The following PELI1 variants were observed in gnomAD, a reference collection of about 807,000 sequenced individuals.
PELI1 encodes pellino E3 ubiquitin protein ligase 1.
A neutral mutation model predicts 41.3 loss-of-function variants in PELI1; 15 were observed. The ratio of observed to expected loss-of-function variants is 0.36; its 90% CI spans 0.24 to 0.56. The LOEUF (loss-of-function observed/expected upper bound fraction) is 0.56, where lower values mean the gene tolerates loss of function less well. PELI1 is among the 20% of genes least tolerant of loss of function. PELI1 has a pLI of 0.82. For missense variants in PELI1, 403 were observed against 525.5 expected (o/e 0.77, Z 2.28); for synonymous variants, 178 against 180.1 (o/e 0.99, Z 0.09).
At chr2:64,123,840 T>C (rs1681301768) in intron 1 of PELI1, among the ~76,000 whole-genome samples, 1 of 152,188 alleles carries the variant, frequency 6.6e-6, no homozygotes, top group Non-Finnish European at 1.5e-5. Flanking sequence ...AGACTGTGCA[T>C]TAATGTTCAC....
At position 64,122,035 on chromosome 2, in the gene PELI1, G is replaced by A. The variant is rs1486111896; in HGVS notation, c.-69-13656C>T. Among the ~76,000 whole-genome samples, 3 of 151,614 alleles carry A rather than the reference G, an allele frequency of 2.0e-5. No homozygotes were observed. In the East Asian group the frequency reaches 5.8e-4, roughly 29 times the overall value. On this transcript the variant is annotated intron_variant, in intron 1 of 6. Transcript: ENST00000358912. ...TTTTCAAAACTACATTTTTTAAAAAGACAACTTTCTTTTTGCTTCTCATAT... is the reference window on the plus strand; with the variant it reads ...TTTTCAAAACTACATTTTTTAAAAAAACAACTTTCTTTTTGCTTCTCATAT...
intron 1 of PELI1, among the ~76,000 whole-genome samples, chr2:64,110,247 G>GAA (rs796716135): frequency 0.012 from 1,172 of 100,718 alleles, 45 homozygotes; most frequent in African/African-American, 0.034. Context: ...TCCGTCTCAA[G>GAA]AAAAAAAAAA....
intron 2 of PELI1, among the ~76,000 whole-genome samples, chr2:64,105,593 C>T (rs1680593125): frequency 6.6e-6 from 1 of 152,110 alleles, no homozygotes; most frequent in Admixed American, 6.5e-5. Flanking sequence ...TCTACCCTTG[C>T]AAAAATTCTA....
intron 1 of PELI1, among the ~76,000 whole-genome samples, chr2:64,127,234 C>G (rs1053287329): frequency 8.5e-5 from 13 of 152,096 alleles, no homozygotes; most frequent in Non-Finnish European, 1.5e-5. Context: ...TGTTAAATTC[C>G]AAGCCATTAA....
intron 1 of PELI1, among the ~76,000 whole-genome samples, chr2:64,134,614 T>C (rs1447913459): frequency 2.6e-5 from 4 of 152,184 alleles, no homozygotes; most frequent in Non-Finnish European, 4.4e-5. Flanking sequence ...TTTGGATGTT[T>C]TGATCCTTTG....
intron 1 of PELI1, among the ~76,000 whole-genome samples, chr2:64,119,077 TA>T (rs145453842): frequency 0.021 from 3,166 of 152,082 alleles, 52 homozygotes; most frequent in Middle Eastern, 0.082. Flanking sequence ...CAACAGGCAA[TA>T]TACACCTGTA....
rs551540897 is a variant in PELI1 at position 64,141,314 on chromosome 2, C to G, written c.-70+2767G>C. Reference sequence around the variant, plus strand: ...AATAACATGTTTCCCGCCCCCACCCCAAAGGAGCTCCTAAAGCCACCTCAG... The same window carrying G: ...AATAACATGTTTCCCGCCCCCACCCGAAAGGAGCTCCTAAAGCCACCTCAG... On this transcript the variant is annotated intron_variant, in intron 1 of 6. Coordinates refer to ENST00000358912, the MANE Select transcript of PELI1 (RefSeq NM_020651.4). Among the ~76,000 whole-genome samples the G allele has an allele frequency of 1.6e-3, 243 of 147,788 alleles. 2 individuals carry two copies. Among genetic ancestry groups the G allele is most frequent in the Non-Finnish European group, 2.9e-3 (194 of 67,116 alleles).
At chr2:64,121,201 T>G (rs1681198033) in intron 1 of PELI1, among the ~76,000 whole-genome samples, 1 of 152,238 alleles carries the variant, frequency 6.6e-6, no homozygotes, top group African/African-American at 2.4e-5. Flanking sequence ...TAGGGTTTGC[T>G]GTTTGATGAT....
chr2:64,123,839 A>G (rs191570877), intron 1 of PELI1, among the ~76,000 whole-genome samples: 1 of 152,354 alleles, frequency 6.6e-6, no homozygotes, highest in East Asian at 1.9e-4. Flanking sequence ...CAGACTGTGC[A>G]TTAATGTTCA....
chr2:64,142,375 A>G lies in PELI1; in HGVS notation c.-70+1706T>C, dbSNP rs144656334. 5.1e-4 allele frequency among the ~76,000 whole-genome samples: 78 copies of G among 152,340 alleles called. 1 individual carries two copies. The East Asian group carries it at 0.013, about 26-fold the overall frequency. On this transcript the variant is annotated intron_variant, in intron 1 of 6. Coordinates refer to ENST00000358912, the MANE Select transcript of PELI1 (RefSeq NM_020651.4). ...ATCTAAAATGTAAGGACAACTATAT[A>G]GTACAAAATTAAATTTAAGAGAATT... is the stretch of plus-strand genomic sequence containing the variant.
chr2:64,141,289 A>C, intron 1 of PELI1, among the ~76,000 whole-genome samples: 1 of 151,378 alleles, frequency 6.6e-6, no homozygotes, highest in Non-Finnish European at 1.5e-5. Flanking sequence ...TAACTTTTGG[A>C]ATAACATGTT....
chr2:64,139,608 C>T (rs530292410), intron 1 of PELI1, among the ~76,000 whole-genome samples: 4 of 152,282 alleles, frequency 2.6e-5, no homozygotes, highest in African/African-American at 7.2e-5. Context: ...TTTCTTAAAA[C>T]GCAATGTATT....
chr2:64,099,706 A>C lies in PELI1; in HGVS notation c.303+692T>G, dbSNP rs1680360151. ...AACATTATCAGGCAATTTATGTTGT[A>C]CTTAAGTTTGTTTTTAAAAAGCCTA... On this transcript the variant is annotated intron_variant, in intron 4 of 6. Transcript: ENST00000358912. Among the ~76,000 whole-genome samples the C allele has an allele frequency of 1.3e-5, 2 of 152,202 alleles. 1 individual carries two copies. The highest frequency in any genetic ancestry group is 4.1e-4 in the South Asian group (2 of 4,834).
intron 1 of PELI1, among the ~76,000 whole-genome samples, chr2:64,117,814 A>AT (rs879313044): frequency 0.014 from 2,042 of 146,516 alleles, 27 homozygotes; most frequent in Admixed American, 0.023. Flanking sequence ...TTTCCCAATA[A>AT]TTTTTTTTTT....
chr2:64,108,760 C>T (rs1262508214), intron 1 of PELI1, among the ~76,000 whole-genome samples: 1 of 152,176 alleles, frequency 6.6e-6, no homozygotes, highest in African/African-American at 2.4e-5. Flanking sequence ...TCTGGGTTTT[C>T]TTTTTGCCTA....
At chr2:64,096,070 T>C (rs775380067) in intron 6 of PELI1, 55 bp downstream of exon 6, 4 of 1,209,344 alleles carry the variant, frequency 3.3e-6, no homozygotes, top group Non-Finnish European at 4.8e-6. Flanking sequence ...CATTCAGTTC[T>C]ACTCATCCTA....
intron 1 of PELI1, among the ~76,000 whole-genome samples, chr2:64,131,619 C>CTT (rs568081785): frequency 1.8e-4 from 26 of 144,412 alleles, no homozygotes; most frequent in Admixed American, 1.7e-3. Context: ...TAATCTCTCT[C>CTT]TTTTTTTTTT....
chr2:64,138,971 C>T lies in PELI1; in HGVS notation c.-70+5110G>A, dbSNP rs1681807243. ...GGCCAATCTTGTTTCATCTATGTTC[C>T]TCTCCCTTTCAATATTTTGAAGTAA... On this transcript the variant is annotated intron_variant, in intron 1 of 6. Coordinates refer to ENST00000358912, the MANE Select transcript of PELI1 (RefSeq NM_020651.4). 2.0e-5 allele frequency among the ~76,000 whole-genome samples: 3 copies of T among 152,158 alleles called. No homozygotes were observed. The South Asian group carries it at 6.2e-4, about 32-fold the overall frequency.
chr2:64,128,451 CT>C (rs1681458507), intron 1 of PELI1, among the ~76,000 whole-genome samples: 1 of 152,028 alleles, frequency 6.6e-6, no homozygotes, highest in South Asian at 2.1e-4. Flanking sequence ...TGCAAATGTA[CT>C]TCTTAAATAT....
Sources: allele counts gnomAD v4.1 joint callset (sites outside exome capture counted in the v4.1 genomes callset), GRCh38; gene constraint gnomAD v4.1.1; transcripts MANE v1.5; gene names NCBI Gene and HGNC (gene_info 2026-07-23, HGNC 2026-07-21).